Variants in RASGRF2 observed in about 807,000 individuals in gnomAD.
RASGRF2 encodes the protein Ras protein specific guanine nucleotide releasing factor 2, also known as ras-specific guanine nucleotide-releasing factor 2.
Under a neutral mutation model 151.0 loss-of-function variants are expected in RASGRF2, and 76 were observed. The observed-to-expected ratio is 0.50, with a 90% CI of 0.42 to 0.61. The LOEUF (loss-of-function observed/expected upper bound fraction) is 0.61, where lower values mean the gene tolerates loss of function less well. Ranked by LOEUF, RASGRF2 falls within the 20% of genes least tolerant of loss-of-function variation. The pLI, the probability that RASGRF2 is intolerant of heterozygous loss-of-function variation, is 0.00. For synonymous variants in RASGRF2, 504 were observed against 566.5 expected (o/e 0.89, Z 1.57); for missense variants, 1,148 against 1,564.6 (o/e 0.73, Z 4.49).
intron 2 of RASGRF2, among the ~76,000 whole-genome samples, chr5:81,056,630 G>T (rs1751223048): frequency 6.6e-6 from 1 of 152,202 alleles, no homozygotes. Flanking sequence ...GAGCTCTGTA[G>T]ATGTCTATTA....
At chr5:81,135,365 G>A (rs1456627783) in intron 17 of RASGRF2, among the ~76,000 whole-genome samples, 3 of 152,026 alleles carry the variant, frequency 2.0e-5, no homozygotes, top group Admixed American at 2.0e-4. Flanking sequence ...CCCAGAGTTG[G>A]GCAACAGTCA....
At chr5:81,114,745 G>A (rs1753103956) in intron 15 of RASGRF2, 1 of 152,344 alleles carries the variant, frequency 6.6e-6, no homozygotes, top group African/African-American at 2.4e-5. Context: ...CCTTGCACTT[G>A]TTCTTTCCTC....
At chr5:81,173,937 T>A (rs927330480) in intron 17 of RASGRF2, among the ~76,000 whole-genome samples, 13 of 152,224 alleles carry the variant, frequency 8.5e-5, no homozygotes, top group African/African-American at 3.1e-4. Context: ...AGGTGCTTTA[T>A]AGATACTGAT....
At chr5:81,048,454 A>G (rs1292273133) in intron 2 of RASGRF2, among the ~76,000 whole-genome samples, 1 of 152,206 alleles carries the variant, frequency 6.6e-6, no homozygotes, top group Non-Finnish European at 1.5e-5. Flanking sequence ...TTTGATGGTT[A>G]CAATTGTTTT....
intron 12 of RASGRF2, among the ~76,000 whole-genome samples, chr5:81,099,987 A>T (rs1226171591): frequency 6.9e-6 from 1 of 145,472 alleles, no homozygotes; most frequent in African/African-American, 2.6e-5. Context: ...GGCTCACTGC[A>T]AGCTCCGCCT....
chr5:81,136,174 T>G (rs1256980161), intron 17 of RASGRF2, among the ~76,000 whole-genome samples: 1 of 152,232 alleles, frequency 6.6e-6, no homozygotes, highest in Non-Finnish European at 1.5e-5. Flanking sequence ...ATCTTTTAGA[T>G]CATTTAAAAA....
intron 1 of RASGRF2, among the ~76,000 whole-genome samples, chr5:81,022,411 G>A (rs1188222801): frequency 6.6e-6 from 1 of 152,192 alleles, no homozygotes; most frequent in East Asian, 1.9e-4. Flanking sequence ...CTGATTTACA[G>A]GATGTGGTCC....
chr5:81,048,614 T>C (rs145524510), intron 2 of RASGRF2, among the ~76,000 whole-genome samples: 11 of 152,346 alleles, frequency 7.2e-5, no homozygotes, highest in Non-Finnish European at 1.3e-4. Context: ...ACCTTCTGCC[T>C]ACACTCACCG....
chr5:80,969,615 A>AT (rs557366319), intron 1 of RASGRF2, among the ~76,000 whole-genome samples: 3,895 of 142,402 alleles, frequency 0.027, 163 homozygotes, highest in African/African-American at 0.096. Flanking sequence ...CGCCCGGCTA[A>AT]TTTTTTTTTG....
At chr5:80,972,369 G>T (rs1036979689) in intron 1 of RASGRF2, among the ~76,000 whole-genome samples, 3 of 152,132 alleles carry the variant, frequency 2.0e-5, no homozygotes, top group Non-Finnish European at 4.4e-5. Flanking sequence ...GATTTTAGTT[G>T]TAAGCATTCT....
chr5:81,075,227 G>A (rs1044973013), intron 5 of RASGRF2, among the ~76,000 whole-genome samples: 9 of 152,292 alleles, frequency 5.9e-5, no homozygotes, highest in Admixed American at 2.6e-4. Flanking sequence ...TAGGTGTCAC[G>A]GATGCAACTA....
intron 2 of RASGRF2, among the ~76,000 whole-genome samples, chr5:81,052,915 G>C (rs1003361143): frequency 1.3e-5 from 2 of 152,046 alleles, no homozygotes; most frequent in African/African-American, 4.8e-5. Flanking sequence ...GATAGGTGGA[G>C]TTTTTCTTTC....
intron 15 of RASGRF2, among the ~76,000 whole-genome samples, chr5:81,119,165 C>T (rs1469331085): frequency 6.6e-6 from 1 of 152,204 alleles, no homozygotes; most frequent in Non-Finnish European, 1.5e-5. Context: ...TACCCAGTTC[C>T]AAAGCCACTT....
At chr5:81,220,851 C>T (rs910337424) in intron 26 of RASGRF2, among the ~76,000 whole-genome samples, 2 of 152,154 alleles carry the variant, frequency 1.3e-5, no homozygotes, top group Non-Finnish European at 2.9e-5. Flanking sequence ...TCCAGGATCC[C>T]ATCCAGGACA....
At chr5:81,005,770 A>G (rs1441912277) in intron 1 of RASGRF2, among the ~76,000 whole-genome samples, 2 of 152,170 alleles carry the variant, frequency 1.3e-5, no homozygotes, top group Non-Finnish European at 1.5e-5. Context: ...GTGGAGAGAC[A>G]TATTTTGCAG....
At chr5:81,214,486 G>C (rs1362240680) in intron 23 of RASGRF2, among the ~76,000 whole-genome samples, 3 of 152,222 alleles carry the variant, frequency 2.0e-5, no homozygotes, top group African/African-American at 7.2e-5. Flanking sequence ...CAGCAGGCCT[G>C]ATAATCTGCA....
chr5:81,047,887 C>T (rs1415321216), intron 2 of RASGRF2, among the ~76,000 whole-genome samples: 2 of 152,212 alleles, frequency 1.3e-5, no homozygotes, highest in Non-Finnish European at 2.9e-5. Context: ...AATACACACA[C>T]ATGCACACAC....
intron 2 of RASGRF2, among the ~76,000 whole-genome samples, chr5:81,059,648 C>T (rs1264181556): frequency 6.6e-6 from 1 of 151,868 alleles, no homozygotes; most frequent in African/African-American, 2.4e-5. Flanking sequence ...AGTTCAAGAC[C>T]AGCCTGGACA....
At chr5:81,087,193 T>C (rs748406431) in intron 9 of RASGRF2, 4 of 703,208 alleles carry the variant, frequency 5.7e-6, no homozygotes, top group South Asian at 4.4e-5. Flanking sequence ...ACATTCTGAC[T>C]GGACGCTCCT....
Sources: gnomAD v4.1 joint callset for allele counts (sites outside exome capture counted in the v4.1 genomes callset) on GRCh38, gnomAD v4.1.1 for gene constraint, MANE v1.5 for transcripts, NCBI Gene and HGNC (gene_info 2026-07-23, HGNC 2026-07-21) for gene names.